Variants in CACNA2D4 observed in about 807,000 individuals in gnomAD.
The protein encoded by CACNA2D4 is calcium voltage-gated channel auxiliary subunit alpha2delta 4, also known as voltage-dependent calcium channel subunit alpha-2/delta-4.
A neutral mutation model predicts 163.8 loss-of-function variants in CACNA2D4; 157 were observed. That is an observed-to-expected ratio of 0.96 (90% CI 0.84 to 1.09). The LOEUF (loss-of-function observed/expected upper bound fraction) is 1.09. Among genes scored for constraint, CACNA2D4 ranks in the 50% least tolerant of loss-of-function variants. CACNA2D4 has a pLI of 0.00. For synonymous variants in CACNA2D4, 598 were observed against 586.9 expected (o/e 1.02, Z -0.27); for missense variants, 1,410 against 1,479.9 (o/e 0.95, Z 0.78).
At chr12:1,895,903 T>C (rs1488986501) in intron 6 of CACNA2D4, among the ~76,000 whole-genome samples, 1 of 152,028 alleles carries the variant, frequency 6.6e-6, no homozygotes, top group Admixed American at 6.6e-5. Context: ...TCTCCTAAAG[T>C]GATGAGATTA....
In CACNA2D4 at chr12:1,800,379, C is replaced by T. The variant is rs202022529; in HGVS notation, c.2921+7G>A. The T allele has an allele frequency of 6.2e-7, 1 of 1,613,762 alleles. No homozygotes were observed. The highest frequency in any genetic ancestry group is 1.3e-5 in the African/African-American group (1 of 74,900). On this transcript the variant is annotated splice_region_variant and intron_variant, in intron 32 of 37. Coordinates refer to ENST00000382722, the MANE Select transcript of CACNA2D4 (RefSeq NM_172364.5). ...CCTCCACCAGCCCCGTGTCTACCCC[C>T]ACTCACAGCACCAGCTCCTGCAGCA...
At chr12:1,892,483 G>A (rs533638491) in intron 6 of CACNA2D4, among the ~76,000 whole-genome samples, 35 of 152,220 alleles carry the variant, frequency 2.3e-4, no homozygotes, top group Non-Finnish European at 4.6e-4. Flanking sequence ...TTCACTGGCA[G>A]AGCAAACACA....
intron 6 of CACNA2D4, among the ~76,000 whole-genome samples, chr12:1,905,484 C>T (rs1183804128): frequency 1.3e-5 from 2 of 152,026 alleles, no homozygotes; most frequent in Non-Finnish European, 2.9e-5. Flanking sequence ...ACTGTTAGTT[C>T]TAATAAATAA....
At chr12:1,915,443 C>G (rs905157371) in intron 1 of CACNA2D4, among the ~76,000 whole-genome samples, 1 of 152,144 alleles carries the variant, frequency 6.6e-6, no homozygotes, top group Non-Finnish European at 1.5e-5. Context: ...AGGCCAGGGC[C>G]GGAGGACCCT....
chr12:1,867,201 G>GT (rs982148315), intron 18 of CACNA2D4, among the ~76,000 whole-genome samples: 1 of 152,026 alleles, frequency 6.6e-6, no homozygotes, highest in Admixed American at 6.6e-5. Flanking sequence ...CCTGCTTGGG[G>GT]TTTGCTGAGA....
At chr12:1,804,574 C>G (rs922428276) in intron 29 of CACNA2D4, among the ~76,000 whole-genome samples, 1 of 152,242 alleles carries the variant, frequency 6.6e-6, no homozygotes, top group African/African-American at 2.4e-5. Context: ...TATCCATTCT[C>G]CCCGTCTTCT....
chr12:1,833,062 G>T lies in CACNA2D4; in HGVS notation c.2551+7677C>A, dbSNP rs1036167153. ...CTTCAGACCCTCCTCTCCTGTGGTC[G>T]CCGGGAACTGAATTCCCAGCACAAA... On this transcript the variant is annotated intron_variant, in intron 26 of 37. Transcript: ENST00000382722. This position sits in a 1 kb window ranked among gnomAD's most constrained non-coding sequence, Gnocchi z 4.2. Among the ~76,000 whole-genome samples the T allele has an allele frequency of 6.6e-6, 1 of 152,132 alleles. No individual in the cohort carries two copies. The highest frequency in any genetic ancestry group is 1.5e-5 in the Non-Finnish European group (1 of 68,028).
intron 22 of CACNA2D4, 93 bp from the exon 23 acceptor site, chr12:1,854,137 T>C: frequency 4.5e-6 from 4 of 890,398 alleles, no homozygotes; most frequent in Non-Finnish European, 5.1e-6. Context: ...AAGATGTGCT[T>C]CCTGAACGTG....
At chr12:1,845,214 C>T (rs1865116775) in intron 24 of CACNA2D4, among the ~76,000 whole-genome samples, 1 of 152,074 alleles carries the variant, frequency 6.6e-6, no homozygotes, top group African/African-American at 2.4e-5. Context: ...CTGCCATTCA[C>T]CTCGAGTCTG....
In CACNA2D4 at chr12:1,819,589, C is replaced by T. The variant is rs370957543; in HGVS notation, c.2552-7866G>A. On this transcript the variant is annotated intron_variant, in intron 26 of 37. Coordinates refer to ENST00000382722, the MANE Select transcript of CACNA2D4 (RefSeq NM_172364.5). ...AAGGAAGGGGGATTTAGGGTTCGTG[C>T]TCCAGGCTGGTGGGGCCCTGGCTCC... 4.5e-4 allele frequency among the ~76,000 whole-genome samples: 69 copies of T among 152,304 alleles called. 1 individual carries two copies. The South Asian group carries it at 0.014, about 32-fold the overall frequency.
At chr12:1,850,364 T>C (rs947246397) in intron 23 of CACNA2D4, among the ~76,000 whole-genome samples, 28 of 152,234 alleles carry the variant, frequency 1.8e-4, no homozygotes, top group African/African-American at 6.5e-4. Context: ...CTATTTGAAT[T>C]GTTCTTCTAA....
At position 1,802,758 on chromosome 12, in the gene CACNA2D4, C is replaced by T. The variant is rs1863383160; in HGVS notation, c.2722-1114G>A. On this transcript the variant is annotated intron_variant, in intron 29 of 37. Transcript: ENST00000382722. This position sits in a 1 kb window ranked among gnomAD's most constrained non-coding sequence, Gnocchi z 4.7. ...CCCTGCCGATTACCCTTCCTCTGTC[C>T]TCATGCCAAGGAACTTCTTTCCTCA... Among the ~76,000 whole-genome samples, 2 of 152,242 alleles carry T rather than the reference C, an allele frequency of 1.3e-5. 1 individual carries two copies. Among genetic ancestry groups the T allele is most frequent in the South Asian group, 4.1e-4 (2 of 4,830 alleles).
intron 6 of CACNA2D4, 52 bp from the exon 7 acceptor site, chr12:1,887,121 T>C: frequency 7.6e-7 from 1 of 1,317,452 alleles, no homozygotes; most frequent in Non-Finnish European, 1.1e-6. Context: ...CCACCCCAGA[T>C]CCCCTGGCTG....
Position 1,838,663 on chromosome 12 carries a change from G to A in CACNA2D4, c.2551+2076C>T, listed in dbSNP as rs151242834. On this transcript the variant is annotated intron_variant, in intron 26 of 37. Coordinates refer to ENST00000382722, the MANE Select transcript of CACNA2D4 (RefSeq NM_172364.5). ...CACTGTTTCTATGGCAACCCCTCTC[G>A]GCTCTAATTCAGCTCTGAGTTAAAA... 2.0e-5 allele frequency among the ~76,000 whole-genome samples: 3 copies of A among 152,272 alleles called. No homozygotes were observed. In the East Asian group the frequency reaches 5.8e-4, roughly 29 times the overall value.
chr12:1,896,449 C>T (rs1390504457), intron 6 of CACNA2D4, among the ~76,000 whole-genome samples: 1 of 151,988 alleles, frequency 6.6e-6, no homozygotes, highest in Non-Finnish European at 1.5e-5. Flanking sequence ...CATGAATAGA[C>T]ATTTCTCAAA....
chr12:1,833,410 C>G lies in CACNA2D4; in HGVS notation c.2551+7329G>C, dbSNP rs978925103. 6.6e-6 allele frequency among the ~76,000 whole-genome samples: 1 copy of G among 152,142 alleles called. No individual in the cohort carries two copies. Among genetic ancestry groups the G allele is most frequent in the African/African-American group, 2.4e-5 (1 of 41,406 alleles). ...TATTGTCCTCAACCACCTTCTCTCT[C>G]ACCCCAGCCCTGTCCTGCATCTGTG... On this transcript the variant is annotated intron_variant, in intron 26 of 37. Transcript: ENST00000382722. The surrounding 1 kb of genome is among the most constrained non-coding windows in gnomAD (Gnocchi z 4.2).
chr12:1,797,799 C>G (rs1267524133), intron 34 of CACNA2D4: 5 of 545,386 alleles, frequency 9.2e-6, no homozygotes, highest in Non-Finnish European at 1.6e-5. Context: ...CTCTGGGGAG[C>G]CTGGCCCTCA....
chr12:1,811,869 C>T, intron 26 of CACNA2D4, 146 bp from the exon 27 acceptor site: 1 of 585,684 alleles, frequency 1.7e-6, no homozygotes. Flanking sequence ...GGGCAGAGTG[C>T]AAACTGGGGT....
chr12:1,805,116 A>G (rs1185271793), intron 29 of CACNA2D4, among the ~76,000 whole-genome samples: 2 of 152,128 alleles, frequency 1.3e-5, no homozygotes, highest in African/African-American at 4.8e-5. Flanking sequence ...ATGGGGGACA[A>G]TTCACAAATA....
Sources: gnomAD v4.1 joint callset for allele counts (sites outside exome capture counted in the v4.1 genomes callset) on GRCh38, gnomAD v4.1.1 for gene constraint, Gnocchi (gnomAD v3.1) non-coding constraint, MANE v1.5 for transcripts, NCBI Gene and HGNC (gene_info 2026-07-23, HGNC 2026-07-21) for gene names.